The following PRKAR1A variants were observed in gnomAD, a reference collection of about 807,000 sequenced individuals.
The protein encoded by PRKAR1A is protein kinase cAMP-dependent type I regulatory subunit alpha.
In PRKAR1A, 3 loss-of-function variants were observed where a neutral mutation model predicts 52.0. The observed-to-expected ratio is 0.06, with a 90% CI of 0.03 to 0.15. The LOEUF (loss-of-function observed/expected upper bound fraction) is 0.15, where lower values mean the gene tolerates loss of function less well. Among genes scored for constraint, PRKAR1A ranks in the 10% least tolerant of loss-of-function variants. The pLI, the probability that PRKAR1A is intolerant of heterozygous loss-of-function variation, is 1.00. For synonymous variants in PRKAR1A, 188 were observed against 168.4 expected (o/e 1.12, Z -0.90); for missense variants, 240 against 477.4 (o/e 0.50, Z 4.63).
the PRKAR1A span, chr17:68,450,886 C>T: frequency 1.2e-6 from 2 of 1,611,996 alleles, no homozygotes; most frequent in Non-Finnish European, 8.5e-7. Flanking sequence ...ATGTAGACGT[C>T]CGGGATTTCA....
the PRKAR1A span, among the ~76,000 whole-genome samples, chr17:68,415,956 T>C: frequency 6.6e-6 from 1 of 152,210 alleles, no homozygotes; most frequent in Non-Finnish European, 1.5e-5. Flanking sequence ...TGGTTGGTGA[T>C]CTTATCCATT....
At position 68,540,838 on chromosome 17, in the gene PRKAR1A, T is replaced by TG. The variant is rs748321216; in HGVS notation, c.974-10242dup. On this transcript the variant is annotated intron_variant, in intron 11 of 11. Coordinates refer to the PRKAR1A transcript ENST00000585981. Reference sequence around the variant, plus strand: ...CCCACTTCTGCTGGGGGCCTGCGTGTGGGGACCTACCTATCAAGAAGTCGA... The same window carrying TG: ...CCCACTTCTGCTGGGGGCCTGCGTGTGGGGGACCTACCTATCAAGAAGTCGA... 1.9e-6 allele frequency: 3 copies of TG among 1,589,574 alleles called. No individual in the cohort carries two copies. The Admixed American group carries it at 5.3e-5, about 28-fold the overall frequency.
the PRKAR1A span, among the ~76,000 whole-genome samples, chr17:68,451,340 A>T: frequency 2.4e-4 from 36 of 152,336 alleles, no homozygotes; most frequent in Non-Finnish European, 3.1e-4. Flanking sequence ...AGGCTGAGGC[A>T]TGAGAATCAC....
chr17:68,439,068 CGTT>C, the PRKAR1A span, among the ~76,000 whole-genome samples: 6 of 152,156 alleles, frequency 3.9e-5, no homozygotes, highest in Non-Finnish European at 5.9e-5. Flanking sequence ...TGCTCTGGAA[CGTT>C]TAGCAGTTCT....
intron 11 of PRKAR1A, among the ~76,000 whole-genome samples, chr17:68,543,429 G>A (rs147961496): frequency 5.5e-4 from 83 of 152,258 alleles, no homozygotes; most frequent in African/African-American, 1.7e-3. Context: ...CGTTACATTC[G>A]TTAAAAGGCC....
exon 12 of PRKAR1A, chr17:68,551,238 C>T (rs1212309316): frequency 6.1e-6 from 5 of 825,524 alleles, no homozygotes; most frequent in Non-Finnish European, 8.1e-6. Flanking sequence ...TATTATTTCA[C>T]TCATCTCTAT....
chr17:68,476,949 C>A, the PRKAR1A span, among the ~76,000 whole-genome samples: 1 of 151,934 alleles, frequency 6.6e-6, no homozygotes, highest in Non-Finnish European at 1.5e-5. Context: ...CGTGAGCCAC[C>A]GTGCTCGGCC....
chr17:68,511,838 C>T (rs1321536777), upstream of PRKAR1A: 1 of 151,888 alleles, frequency 6.6e-6, no homozygotes, highest in Non-Finnish European at 1.5e-5. Context: ...TGCAGATCCG[C>T]GGGGGCCGCC....
chr17:68,541,288 A>G (rs905493702), intron 11 of PRKAR1A: 1 of 375,302 alleles, frequency 2.7e-6, no homozygotes, highest in African/African-American at 2.1e-5. Flanking sequence ...CCTCTCACCA[A>G]GCCTCTTGGA....
rs2085948259 is a variant in PRKAR1A, at chr17:68,530,572, A to G, written c.*123A>G. On this transcript the variant is annotated 3_prime_UTR_variant, in exon 11 of 11. Transcript: ENST00000589228. ...TGGCATCGCAGCTTCCTGTCTGTTTATATATTGAAAGTTGCTTTTATTGCA... is the reference window on the plus strand; with the variant it reads ...TGGCATCGCAGCTTCCTGTCTGTTTGTATATTGAAAGTTGCTTTTATTGCA... 4 of 1,574,800 alleles carry G rather than the reference A, an allele frequency of 2.5e-6. No individual in the cohort carries two copies. The highest frequency in any genetic ancestry group is 3.4e-6 in the Non-Finnish European group (4 of 1,161,378).
At chr17:68,517,147 C>A (rs957716625) in intron 2 of PRKAR1A, among the ~76,000 whole-genome samples, 1 of 152,166 alleles carries the variant, frequency 6.6e-6, no homozygotes, top group Non-Finnish European at 1.5e-5. Context: ...TGTGTTTCAG[C>A]TTCTTTAACT....
At chr17:68,427,142 C>T in the PRKAR1A span, 5 of 1,613,586 alleles carry the variant, frequency 3.1e-6, no homozygotes, top group Middle Eastern at 1.6e-4. Flanking sequence ...CACCTGGCAC[C>T]GTGGAGGCTG....
rs751395808 is a variant in PRKAR1A at position 68,531,381 on chromosome 17, T to A, written c.*932T>A. 220 of 1,065,596 alleles carry A rather than the reference T, an allele frequency of 2.1e-4. No individual in the cohort carries two copies. Among genetic ancestry groups the A allele is most frequent in the Non-Finnish European group, 2.4e-4 (215 of 879,458 alleles). The allele number at this position is 1,065,596 out of a possible 1,614,324, so 66.0% of individuals were successfully genotyped here. On this transcript the variant is annotated 3_prime_UTR_variant, in exon 11 of 11. Transcript: ENST00000589228. The stretch of plus-strand genomic sequence containing the variant: ...AATCTCCTCTGCTCATTAAACTGAT[T>A]CCAGGAGATTGGATTTGCTGTGACT...
the PRKAR1A span, chr17:68,422,650 A>G: frequency 6.8e-6 from 1 of 146,426 alleles, no homozygotes; most frequent in African/African-American, 2.5e-5. Context: ...AATCACTTGA[A>G]CCTAGGAGGT....
intron 7 of PRKAR1A, 22 bp from the exon 8 acceptor site, chr17:68,527,818 C>G (rs758945600): frequency 1.3e-6 from 2 of 1,585,844 alleles, no homozygotes; most frequent in Non-Finnish European, 1.7e-6. Context: ...GGGGATATCA[C>G]TTTTGTTATT....
intron 11 of PRKAR1A, among the ~76,000 whole-genome samples, chr17:68,543,356 G>T (rs1454942180): frequency 6.6e-6 from 1 of 152,166 alleles, no homozygotes; most frequent in Non-Finnish European, 1.5e-5. Flanking sequence ...CTCAGATCAG[G>T]AAACTAGAGC....
At chr17:68,434,721 T>A in the PRKAR1A span, 1 of 1,286,328 alleles carries the variant, frequency 7.8e-7, no homozygotes, top group Non-Finnish European at 1.1e-6. Flanking sequence ...GTTTTGAACA[T>A]CTGTCTCTGA....
At chr17:68,453,467 G>T in the PRKAR1A span, among the ~76,000 whole-genome samples, 5 of 149,702 alleles carry the variant, frequency 3.3e-5, no homozygotes, top group African/African-American at 9.8e-5. Flanking sequence ...AACATGCTTT[G>T]CTTTTCTTTT....
At chr17:68,523,171 A>G (rs559954119) in intron 3 of PRKAR1A, among the ~76,000 whole-genome samples, 1 of 152,210 alleles carries the variant, frequency 6.6e-6, no homozygotes, top group Non-Finnish European at 1.5e-5. Flanking sequence ...GTTGTTTTGC[A>G]GTAGAAGGAG....
Sources: allele counts gnomAD v4.1 joint callset (sites outside exome capture counted in the v4.1 genomes callset), GRCh38; gene constraint gnomAD v4.1.1; transcripts MANE v1.5; gene names NCBI Gene and HGNC (gene_info 2026-07-23, HGNC 2026-07-21).